VAV3: variants seen among roughly 807,000 people sequenced by gnomAD.
VAV3 encodes vav guanine nucleotide exchange factor 3.
In VAV3, 94 loss-of-function variants were observed where a neutral mutation model predicts 131.2. That is an observed-to-expected ratio of 0.72 (90% CI 0.61 to 0.85). The LOEUF (loss-of-function observed/expected upper bound fraction) is 0.85, where lower values mean the gene tolerates loss of function less well. VAV3 is among the 40% of genes least tolerant of loss of function. VAV3 has a pLI of 0.00. For synonymous variants in VAV3, 349 were observed against 342.0 expected (o/e 1.02, Z -0.22); for missense variants, 939 against 1,002.7 (o/e 0.94, Z 0.86).
At chr1:107,599,768 C>T (rs1651692837) in intron 24 of VAV3, among the ~76,000 whole-genome samples, 1 of 151,302 alleles carries the variant, frequency 6.6e-6, no homozygotes, top group South Asian at 2.1e-4. Flanking sequence ...TACACACTTT[C>T]CAGATTTAAA....
At chr1:107,858,254 C>A (rs1371210133) in intron 2 of VAV3, among the ~76,000 whole-genome samples, 1 of 152,124 alleles carries the variant, frequency 6.6e-6, no homozygotes, top group East Asian at 1.9e-4. Flanking sequence ...AAAATGTGAT[C>A]TTCATTTTGA....
chr1:107,668,328 T>C (rs1004060863), intron 19 of VAV3, among the ~76,000 whole-genome samples: 31 of 152,348 alleles, frequency 2.0e-4, no homozygotes, highest in African/African-American at 7.0e-4. Context: ...AACACATATA[T>C]GGAAGTTTTA....
intron 1 of VAV3, among the ~76,000 whole-genome samples, chr1:107,929,685 G>A (rs191753412): frequency 1.5e-3 from 226 of 152,236 alleles, no homozygotes; most frequent in African/African-American, 5.3e-3. Context: ...GTGGAGGGAC[G>A]AAGTTAAAAA....
At chr1:107,918,104 C>T (rs1557922898) in intron 1 of VAV3, among the ~76,000 whole-genome samples, 1 of 152,200 alleles carries the variant, frequency 6.6e-6, no homozygotes, top group Non-Finnish European at 1.5e-5. Flanking sequence ...CAATAGCTTT[C>T]AGACTGGCCA....
intron 15 of VAV3, among the ~76,000 whole-genome samples, chr1:107,746,455 T>C (rs1663350888): frequency 1.3e-5 from 2 of 152,166 alleles, no homozygotes; most frequent in African/African-American, 4.8e-5. Flanking sequence ...AATCAAAGAT[T>C]AAGAAACCCA....
intron 1 of VAV3, 118 bp from the exon 2 acceptor site, chr1:107,875,135 T>C (rs1026724667): frequency 5.7e-6 from 5 of 873,974 alleles, no homozygotes; most frequent in Admixed American, 4.2e-5. Flanking sequence ...CCTTTGAAGT[T>C]GCTTTTCAAT....
chr1:107,603,402 A>G (rs1432632400), intron 22 of VAV3, among the ~76,000 whole-genome samples: 3 of 152,232 alleles, frequency 2.0e-5, no homozygotes, highest in Non-Finnish European at 4.4e-5. Context: ...CTAAGCACCT[A>G]GTAAATAAAT....
At chr1:107,812,899 G>A (rs938089159) in intron 2 of VAV3, among the ~76,000 whole-genome samples, 8 of 152,010 alleles carry the variant, frequency 5.3e-5, no homozygotes, top group African/African-American at 1.4e-4. Flanking sequence ...CAAGGCAGGC[G>A]GATCACGAGA....
At chr1:107,760,916 C>A in intron 9 of VAV3, 37 bp from the exon 10 acceptor site, 1 of 1,500,438 alleles carries the variant, frequency 6.7e-7, no homozygotes, top group South Asian at 1.1e-5. Context: ...GTTAGGGAGT[C>A]ATAAACATTA....
chr1:107,749,101 A>G (rs372197284), intron 14 of VAV3, 24 bp from the exon 15 acceptor site: 27 of 1,441,382 alleles, frequency 1.9e-5, no homozygotes, highest in Middle Eastern at 3.8e-4. Flanking sequence ...TATTCCTTAG[A>G]TTAATATGTA....
chr1:107,681,037 G>T (rs2504451), intron 19 of VAV3, among the ~76,000 whole-genome samples: 95,676 of 152,038 alleles, frequency 0.63, 30,902 homozygotes, highest in African/African-American at 0.76. Context: ...ACTGGACTAT[G>T]CATTAAGTTC....
intron 15 of VAV3, 141 bp from the exon 16 acceptor site, chr1:107,705,202 T>C (rs1192431965): frequency 2.9e-6 from 2 of 684,230 alleles, no homozygotes; most frequent in Non-Finnish European, 5.0e-6. Flanking sequence ...TGCAATGTTT[T>C]CTAAGCCAAA....
At chr1:107,731,638 T>C (rs72979630) in intron 15 of VAV3, among the ~76,000 whole-genome samples, 3,898 of 152,262 alleles carry the variant, frequency 0.026, 169 homozygotes, top group African/African-American at 0.087. Context: ...TTCTTCATTA[T>C]AAGGAAGAAT....
At chr1:107,770,556 C>T in intron 6 of VAV3, 80 bp downstream of exon 6, 1 of 939,774 alleles carries the variant, frequency 1.1e-6, no homozygotes, top group Non-Finnish European at 1.7e-6. Flanking sequence ...ACATACACAC[C>T]TTCAGAAGAA....
intron 21 of VAV3, among the ~76,000 whole-genome samples, chr1:107,614,224 A>T (rs1570615007): frequency 6.6e-6 from 1 of 151,708 alleles, no homozygotes; most frequent in African/African-American, 2.4e-5. Flanking sequence ...AATGAAGTTG[A>T]CCCATTTATG....
At chr1:107,703,530 C>A (rs542349358) in intron 17 of VAV3, among the ~76,000 whole-genome samples, 1 of 152,296 alleles carries the variant, frequency 6.6e-6, no homozygotes, top group Non-Finnish European at 1.5e-5. Flanking sequence ...ATGCCTAGCA[C>A]AGAGAATGGC....
At chr1:107,803,698 C>G (rs897019199) in intron 2 of VAV3, among the ~76,000 whole-genome samples, 1 of 152,024 alleles carries the variant, frequency 6.6e-6, no homozygotes, top group South Asian at 2.1e-4. Context: ...CTTCCATATG[C>G]TAATGAAAAT....
rs764020300 is a variant in VAV3 at position 107,761,371 on chromosome 1, T to C, written c.922-492A>G. On this transcript the variant is annotated intron_variant, in intron 9 of 26. Transcript: ENST00000370056. The stretch of plus-strand genomic sequence containing the variant: ...TGGTGTCACTGCACTCCAGCCTGGG[T>C]GACAGAGTGAGACTCCGTCTCAAAA... Among the ~76,000 whole-genome samples, 308 of 139,124 alleles carry C rather than the reference T, an allele frequency of 2.2e-3. 1 individual carries two copies. Among genetic ancestry groups the C allele is most frequent in the Middle Eastern group, 0.012 (3 of 258 alleles). The allele number at this position is 139,124 out of a possible 152,430, so 91.3% of individuals were successfully genotyped here.
intron 21 of VAV3, among the ~76,000 whole-genome samples, chr1:107,612,920 G>A (rs1279920347): frequency 1.3e-5 from 2 of 152,078 alleles, no homozygotes; most frequent in Non-Finnish European, 2.9e-5. Flanking sequence ...CTGCCTTTGA[G>A]CTAGCCATAA....
Sources: allele counts gnomAD v4.1 joint callset (sites outside exome capture counted in the v4.1 genomes callset), GRCh38; gene constraint gnomAD v4.1.1; transcripts MANE v1.5; gene names NCBI Gene and HGNC (gene_info 2026-07-23, HGNC 2026-07-21).